ARHGAP10: variants seen among roughly 807,000 people sequenced by gnomAD.
ARHGAP10 encodes rho GTPase-activating protein 10.
A neutral mutation model predicts 108.6 loss-of-function variants in ARHGAP10; 87 were observed. The ratio of observed to expected loss-of-function variants is 0.80; its 90% CI spans 0.67 to 0.96. The LOEUF (loss-of-function observed/expected upper bound fraction) is 0.96. ARHGAP10 is among the 40% of genes least tolerant of loss of function. The pLI is 0.00. For missense variants in ARHGAP10, 939 were observed against 954.5 expected, an observed-to-expected ratio of 0.98 and a Z score of 0.21; for synonymous variants, 347 against 341.1, an observed-to-expected ratio of 1.02 and a Z score of -0.19.
At chr4:147,984,345 C>T (rs777581778) in intron 18 of ARHGAP10, among the ~76,000 whole-genome samples, 7 of 152,216 alleles carry the variant, frequency 4.6e-5, no homozygotes, top group Non-Finnish European at 1.0e-4. Flanking sequence ...AGCAGGAGGA[C>T]GCACTGCCAA....
intron 19 of ARHGAP10, among the ~76,000 whole-genome samples, chr4:148,026,876 A>G (rs2149666378): frequency 1.3e-5 from 2 of 152,326 alleles, no homozygotes; most frequent in South Asian, 4.1e-4. Flanking sequence ...GTTATATCCC[A>G]TGTTTTTATT....
intron 1 of ARHGAP10, among the ~76,000 whole-genome samples, chr4:147,796,594 G>A (rs1325851699): frequency 1.3e-5 from 2 of 151,718 alleles, no homozygotes; most frequent in Non-Finnish European, 2.9e-5. Flanking sequence ...GTGTCATCTC[G>A]GCTTAACTGC....
chr4:147,762,554 G>A (rs1373896013), intron 1 of ARHGAP10, among the ~76,000 whole-genome samples: 5 of 146,770 alleles, frequency 3.4e-5, no homozygotes, highest in Non-Finnish European at 6.0e-5. Context: ...TTTTTGAGAC[G>A]GAGTCTTGTT....
At chr4:147,857,504 T>A in intron 4 of ARHGAP10, 49 bp from the exon 5 acceptor site, 7 of 1,393,648 alleles carry the variant, frequency 5.0e-6, no homozygotes, top group Non-Finnish European at 6.6e-6. Flanking sequence ...GGATTAACCA[T>A]GTGTATCCTT....
chr4:147,902,935 G>A (rs1041042791), intron 10 of ARHGAP10, among the ~76,000 whole-genome samples: 9 of 151,906 alleles, frequency 5.9e-5, no homozygotes, highest in African/African-American at 1.9e-4. Context: ...GGGGGTGTGT[G>A]GGGCAGGCTA....
At chr4:147,873,455 A>G (rs571411239) in intron 7 of ARHGAP10, among the ~76,000 whole-genome samples, 3 of 151,862 alleles carry the variant, frequency 2.0e-5, no homozygotes, top group Non-Finnish European at 4.4e-5. Context: ...GGGGGAAATG[A>G]GGGTTGATGA....
Position 147,866,692 on chromosome 4 carries a change from CTT to C in ARHGAP10, c.598-17_598-16del, listed in dbSNP as rs749304061. 10 of 1,578,664 alleles carry C rather than the reference CTT, an allele frequency of 6.3e-6. 1 individual carries two copies. Among genetic ancestry groups the C allele is most frequent in the Middle Eastern group, 3.3e-4 (2 of 5,974 alleles). ...CCTGAGTTTTTTTGTGCTAATATCT[CTT>C]TTCTTCCTGTGTCTTAGATGCTGTC... On this transcript the variant is annotated intron_variant, in intron 6 of 22. Transcript: ENST00000336498.
chr4:148,048,155 G>C (rs1218927536), intron 20 of ARHGAP10, among the ~76,000 whole-genome samples: 1 of 152,184 alleles, frequency 6.6e-6, no homozygotes, highest in Non-Finnish European at 1.5e-5. Flanking sequence ...TTTTGTTGAA[G>C]CCAAAGTTGC....
chr4:147,795,229 TGA>T (rs1731267492), intron 1 of ARHGAP10, among the ~76,000 whole-genome samples: 1 of 152,220 alleles, frequency 6.6e-6, no homozygotes, highest in African/African-American at 2.4e-5. Flanking sequence ...ATTACAGGTG[TGA>T]GCCACCATGC....
chr4:147,910,348 CAA>C (rs34833952), intron 12 of ARHGAP10, among the ~76,000 whole-genome samples: 3,500 of 142,172 alleles, frequency 0.025, 94 homozygotes, highest in African/African-American at 0.068. Flanking sequence ...GAGTCTTTCT[CAA>C]AAAAAAAAAA....
Position 147,822,692 on chromosome 4 carries a change from A to G in ARHGAP10, c.155-35A>G, listed in dbSNP as rs371768727. ...TTTCTTTTATGCTTTGACATAAAAC[A>G]AGAACCCAAGTCATCATTATACTTT... On this transcript the variant is annotated intron_variant, in intron 1 of 22. Coordinates refer to ENST00000336498, the MANE Select transcript of ARHGAP10 (RefSeq NM_024605.4). The G allele has an allele frequency of 9.4e-6, 15 of 1,591,600 alleles. No homozygotes were observed. The African/African-American group carries it at 1.6e-4, about 17-fold the overall frequency.
Position 147,822,768 on chromosome 4 carries a change from G to A in ARHGAP10, c.196G>A (p.Asp66Asn), listed in dbSNP as rs147148587. 3.7e-6 allele frequency: 6 copies of A among 1,614,118 alleles called. No homozygotes were observed. The highest frequency in any genetic ancestry group is 2.7e-5 in the African/African-American group (2 of 74,940). ...AQRKFAHSLRDFKFEFIGDAV... is the reference protein window; with the variant it reads ...AQRKFAHSLRNFKFEFIGDAV... ...GCGGAAGTTTGCTCATTCACTCAGAGACTTTAAGTTTGAGTTTATCGGTGA... is the reference window on the plus strand; with the variant it reads ...GCGGAAGTTTGCTCATTCACTCAGAAACTTTAAGTTTGAGTTTATCGGTGA... The change falls in exon 2 of 23, where the codon GAC becomes AAC. Residue 66 changes from aspartate (D) to asparagine (N), a missense_variant. Transcript: ENST00000336498.
chr4:147,737,918 A>G (rs2126675691), intron 1 of ARHGAP10, among the ~76,000 whole-genome samples: 1 of 152,124 alleles, frequency 6.6e-6, no homozygotes, highest in South Asian at 2.1e-4. Flanking sequence ...CTAGCCAGTC[A>G]GCAATCTAAT....
chr4:147,732,149 A>C lies in ARHGAP10; in HGVS notation c.-153A>C. The C allele has an allele frequency of 8.7e-6, 5 of 574,180 alleles. No individual in the cohort carries two copies. Among genetic ancestry groups the C allele is most frequent in the African/African-American group, 4.0e-5 (2 of 50,072 alleles). The allele number at this position is 574,180 out of a possible 1,614,324, so 35.6% of individuals were successfully genotyped here. On this transcript the variant is annotated 5_prime_UTR_variant, in exon 1 of 23. Transcript: ENST00000336498. ...CCTCCGCGCCGCAGGACTCGGCTCTACGGGACATGTCCGTGCCGCGCTCGC... is the reference window on the plus strand; with the variant it reads ...CCTCCGCGCCGCAGGACTCGGCTCTCCGGGACATGTCCGTGCCGCGCTCGC...
In ARHGAP10 at chr4:147,732,122, C is replaced by G. The variant is rs1310727631; in HGVS notation, c.-180C>G. The stretch of plus-strand genomic sequence containing the variant: ...CAGCTAGCGCTGGTCTCGGTGGCAG[C>G]TCCTCCGCGCCGCAGGACTCGGCTC... On this transcript the variant is annotated 5_prime_UTR_variant, in exon 1 of 23. Transcript: ENST00000336498. 6 of 435,206 alleles carry G rather than the reference C, an allele frequency of 1.4e-5. No individual in the cohort carries two copies. The highest frequency in any genetic ancestry group is 2.1e-5 in the African/African-American group (1 of 47,886). The allele number at this position is 435,206 out of a possible 1,614,324, so 27.0% of individuals were successfully genotyped here. A position where few individuals can be genotyped will look rare whatever the true frequency, so the allele number is the denominator to read the frequency against.
chr4:147,766,836 ATATT>A (rs1281281731), intron 1 of ARHGAP10, among the ~76,000 whole-genome samples: 639 of 43,288 alleles, frequency 0.015, 8 homozygotes, highest in African/African-American at 0.038. Flanking sequence ...ATATATATAT[ATATT>A]TATTTATTTA....
At chr4:148,068,457 G>A (rs1235317144) in intron 22 of ARHGAP10, among the ~76,000 whole-genome samples, 2 of 152,210 alleles carry the variant, frequency 1.3e-5, no homozygotes, top group Non-Finnish European at 2.9e-5. Context: ...GCCCAGCGAT[G>A]TGGTTGCCAG....
chr4:147,865,296 G>C (rs1408080211), intron 6 of ARHGAP10: 1 of 175,174 alleles, frequency 5.7e-6, no homozygotes, highest in Non-Finnish European at 1.2e-5. Flanking sequence ...AACATGGGTT[G>C]TTTATACCGG....
At chr4:147,767,106 C>T (rs530380663) in intron 1 of ARHGAP10, among the ~76,000 whole-genome samples, 82 of 152,012 alleles carry the variant, frequency 5.4e-4, no homozygotes, top group Admixed American at 1.0e-3. Flanking sequence ...CCACTTTGGC[C>T]GCCCAAAGTG....
Sources: gnomAD v4.1 joint callset for allele counts (sites outside exome capture counted in the v4.1 genomes callset) on GRCh38, gnomAD v4.1.1 for gene constraint, MANE v1.5 for transcripts, NCBI Gene and HGNC (gene_info 2026-07-23, HGNC 2026-07-21) for gene names.